The following CTNND2 variants were observed in gnomAD, a reference collection of about 807,000 sequenced individuals.
CTNND2 encodes the protein catenin delta 2, also known as catenin delta-2.
A neutral mutation model predicts 144.4 loss-of-function variants in CTNND2; 22 were observed. The observed-to-expected ratio is 0.15, with a 90% CI of 0.11 to 0.22. The LOEUF (loss-of-function observed/expected upper bound fraction) is 0.22. CTNND2 is among the 10% of genes least tolerant of loss of function. The pLI, the probability that CTNND2 is intolerant of heterozygous loss-of-function variation, is 1.00. For missense variants in CTNND2, 1,353 were observed against 1,618.8 expected (o/e 0.84, Z 2.82); for synonymous variants, 751 against 695.6 (o/e 1.08, Z -1.25).
chr5:10,977,537 C>T (rs1429047713), intron 21 of CTNND2, among the ~76,000 whole-genome samples: 2 of 152,026 alleles, frequency 1.3e-5, no homozygotes, highest in African/African-American at 4.8e-5. Context: ...ACTGTAGCCT[C>T]CACCTTCCAG....
intron 3 of CTNND2, among the ~76,000 whole-genome samples, chr5:11,468,135 A>C (rs980089831): frequency 1.3e-5 from 2 of 152,228 alleles, no homozygotes; most frequent in Non-Finnish European, 2.9e-5. Flanking sequence ...CTCAAGTACA[A>C]ATAACAGAAA....
Position 11,018,055 on chromosome 5 carries a change from G to A in CTNND2, c.3003C>T (p.His1001=), listed in dbSNP as rs1580053260. 3 of 1,612,148 alleles carry A rather than the reference G, an allele frequency of 1.9e-6. No homozygotes were observed. The highest frequency in any genetic ancestry group is 1.7e-4 in the Middle Eastern group (1 of 6,048). ...ATGCAGCCTTGACCACTTTTGGAGA[G>A]TGTCTGATGAAGAAAAGACAGGAAA... The part of the protein sequence containing the change: ...VGISKSKGDK[H]SPKVVKAASQ... The change falls in exon 18 of 22, where the codon CAC becomes CAT. Residue 1001 remains histidine (H), a synonymous_variant. Transcript: ENST00000304623.
At chr5:11,603,413 T>C (rs564826622) in intron 2 of CTNND2, among the ~76,000 whole-genome samples, 12 of 152,266 alleles carry the variant, frequency 7.9e-5, no homozygotes, top group Middle Eastern at 6.8e-3. Context: ...TTGCTGCCCA[T>C]TGCTGGTGTC....
At chr5:11,828,819 T>C (rs1387377857) in intron 1 of CTNND2, among the ~76,000 whole-genome samples, 1 of 151,872 alleles carries the variant, frequency 6.6e-6, no homozygotes, top group Non-Finnish European at 1.5e-5. Context: ...CAGGTAGAGG[T>C]TGGAACAGTT....
chr5:11,739,595 G>A (rs1315251348), intron 1 of CTNND2, among the ~76,000 whole-genome samples: 2 of 152,154 alleles, frequency 1.3e-5, no homozygotes. Context: ...ATATCACACT[G>A]AATGGGCAAA....
At chr5:11,222,368 T>C (rs2149868407) in intron 10 of CTNND2, among the ~76,000 whole-genome samples, 1 of 152,306 alleles carries the variant, frequency 6.6e-6, no homozygotes, top group Non-Finnish European at 1.5e-5. Flanking sequence ...CTCACGTCTG[T>C]TTTGCAAAGA....
intron 10 of CTNND2, among the ~76,000 whole-genome samples, chr5:11,201,688 G>T (rs542467819): frequency 6.6e-6 from 1 of 152,214 alleles, no homozygotes; most frequent in African/African-American, 2.4e-5. Context: ...GAAGGAAGAG[G>T]GAGGGATGTA....
chr5:11,091,961 T>G (rs978598705), intron 15 of CTNND2, among the ~76,000 whole-genome samples: 1 of 152,222 alleles, frequency 6.6e-6, no homozygotes, highest in Non-Finnish European at 1.5e-5. Flanking sequence ...CTCTTTGATA[T>G]TTTGTCCTAT....
At chr5:11,566,572 G>A (rs1777119951) in intron 2 of CTNND2, among the ~76,000 whole-genome samples, 1 of 152,136 alleles carries the variant, frequency 6.6e-6, no homozygotes, top group Non-Finnish European at 1.5e-5. Flanking sequence ...CATAATACTT[G>A]AAGACCATAC....
At chr5:11,409,455 G>C (rs1761346446) in intron 5 of CTNND2, among the ~76,000 whole-genome samples, 1 of 151,906 alleles carries the variant, frequency 6.6e-6, no homozygotes, top group Non-Finnish European at 1.5e-5. Flanking sequence ...ACATTTTGTG[G>C]CTTTCCCTTC....
At chr5:11,853,041 A>G (rs1561859351) in intron 1 of CTNND2, among the ~76,000 whole-genome samples, 1 of 152,168 alleles carries the variant, frequency 6.6e-6, no homozygotes, top group Admixed American at 6.5e-5. Context: ...AGATTAATCA[A>G]AGCCTGTCAA....
chr5:11,646,398 T>G (rs756521179), intron 2 of CTNND2, among the ~76,000 whole-genome samples: 105 of 152,284 alleles, frequency 6.9e-4, no homozygotes, highest in Non-Finnish European at 9.6e-4. Flanking sequence ...CTGGGATTCA[T>G]ATTCAACAGG....
intron 9 of CTNND2, among the ~76,000 whole-genome samples, chr5:11,288,793 T>A: frequency 7.2e-6 from 1 of 139,294 alleles, no homozygotes; most frequent in African/African-American, 2.7e-5. Flanking sequence ...TTATATGAGA[T>A]CCTATGATGA....
intron 9 of CTNND2, among the ~76,000 whole-genome samples, chr5:11,257,153 G>T (rs962594864): frequency 1.4e-4 from 22 of 152,302 alleles, no homozygotes; most frequent in African/African-American, 5.3e-4. Context: ...TTGCCAAATG[G>T]TGTAGCAGTA....
intron 18 of CTNND2, among the ~76,000 whole-genome samples, chr5:11,004,516 C>A (rs1047285159): frequency 2.0e-5 from 3 of 152,168 alleles, no homozygotes; most frequent in African/African-American, 7.2e-5. Context: ...GGAATCCCAG[C>A]ACTTTGAGAG....
chr5:11,461,232 C>T (rs749400960), intron 3 of CTNND2, among the ~76,000 whole-genome samples: 5 of 151,940 alleles, frequency 3.3e-5, no homozygotes, highest in African/African-American at 4.8e-5. Context: ...TAAACGTGCG[C>T]TGAAGGGACA....
chr5:11,866,020 G>C (rs948668282), intron 1 of CTNND2, among the ~76,000 whole-genome samples: 7 of 151,702 alleles, frequency 4.6e-5, no homozygotes, highest in African/African-American at 1.5e-4. Context: ...AACTTCAAGA[G>C]GAACAGGTGT....
At chr5:11,779,757 G>A (rs1397627737) in intron 1 of CTNND2, among the ~76,000 whole-genome samples, 1 of 152,104 alleles carries the variant, frequency 6.6e-6, no homozygotes, top group African/African-American at 2.4e-5. Flanking sequence ...TATACTGGGT[G>A]GCTGGTTTCC....
chr5:11,341,438 T>C (rs1350188654), intron 9 of CTNND2, among the ~76,000 whole-genome samples: 2 of 152,194 alleles, frequency 1.3e-5, no homozygotes, highest in African/African-American at 4.8e-5. Context: ...ATAAACGACC[T>C]CCGGCACTCT....
Sources: allele counts gnomAD v4.1 joint callset (sites outside exome capture counted in the v4.1 genomes callset), GRCh38; gene constraint gnomAD v4.1.1; transcripts MANE v1.5; gene names NCBI Gene and HGNC (gene_info 2026-07-23, HGNC 2026-07-21).